Variants in DAB1 observed in about 807,000 individuals in gnomAD.
DAB1 encodes DAB adaptor protein 1, also known as disabled homolog 1.
A neutral mutation model predicts 64.6 loss-of-function variants in DAB1; 15 were observed. That is an observed-to-expected ratio of 0.23 (90% CI 0.16 to 0.36). DAB1 has a LOEUF of 0.36. Ranked by LOEUF, DAB1 falls within the 10% of genes least tolerant of loss-of-function variation. The probability of loss-of-function intolerance (pLI) is 1.00; values close to 1 mark genes in which losing one functional copy is unlikely to be tolerated. For synonymous variants in DAB1, 235 were observed against 251.9 expected (o/e 0.93, Z 0.64); for missense variants, 596 against 706.7 (o/e 0.84, Z 1.78).
intron 4 of DAB1, among the ~76,000 whole-genome samples, chr1:58,276,777 GTGC>G (rs1240864498): frequency 6.6e-6 from 1 of 152,048 alleles, no homozygotes; most frequent in Non-Finnish European, 1.5e-5. Flanking sequence ...CATTTTTTCT[GTGC>G]TGCTTTCTTT....
intron 7 of DAB1, among the ~76,000 whole-genome samples, chr1:57,596,081 T>A (rs1461747996): frequency 1.3e-5 from 2 of 152,230 alleles, no homozygotes; most frequent in Non-Finnish European, 2.9e-5. Context: ...TCACTGTCCT[T>A]TAACAGGTTC....
intron 5 of DAB1, among the ~76,000 whole-genome samples, chr1:57,987,869 T>C (rs1206701581): frequency 6.6e-6 from 1 of 151,306 alleles, no homozygotes; most frequent in East Asian, 1.9e-4. Context: ...AGGAAAACAC[T>C]GGTCGGTTAC....
intron 6 of DAB1, among the ~76,000 whole-genome samples, chr1:57,757,143 T>C (rs553370777): frequency 8.6e-5 from 13 of 150,770 alleles, no homozygotes; most frequent in Non-Finnish European, 1.5e-4. Context: ...AGCCTGAGAT[T>C]CTGCATTTCT....
intron 3 of DAB1, among the ~76,000 whole-genome samples, chr1:58,378,211 C>T (rs1171986141): frequency 4.2e-5 from 5 of 120,120 alleles, no homozygotes; most frequent in African/African-American, 1.3e-4. Flanking sequence ...AGCTTTGTTC[C>T]GTTGCTGGTG....
intron 4 of DAB1, among the ~76,000 whole-genome samples, chr1:57,124,679 T>C (rs1184442274): frequency 2.6e-5 from 4 of 152,168 alleles, no homozygotes; most frequent in Admixed American, 2.6e-4. Flanking sequence ...TAAATAGTTT[T>C]TAGAAGTCAA....
intron 4 of DAB1, among the ~76,000 whole-genome samples, chr1:57,109,442 C>A (rs1466281177): frequency 6.6e-6 from 1 of 152,178 alleles, no homozygotes; most frequent in Non-Finnish European, 1.5e-5. Flanking sequence ...ACAAACATGG[C>A]TCTCTTCCAG....
At chr1:57,973,317 T>C (rs1158268486) in intron 5 of DAB1, among the ~76,000 whole-genome samples, 1 of 152,142 alleles carries the variant, frequency 6.6e-6, no homozygotes, top group Non-Finnish European at 1.5e-5. Flanking sequence ...TCAGAGGCAA[T>C]GCAGGCCTGC....
At chr1:57,692,717 T>C (rs1209375440) in intron 6 of DAB1, among the ~76,000 whole-genome samples, 2 of 152,174 alleles carry the variant, frequency 1.3e-5, no homozygotes, top group Non-Finnish European at 2.9e-5. Flanking sequence ...ATCCTTACTC[T>C]ACAATCCCAA....
intron 6 of DAB1, among the ~76,000 whole-genome samples, chr1:57,702,400 T>C (rs1389719064): frequency 6.6e-6 from 1 of 152,174 alleles, no homozygotes; most frequent in East Asian, 1.9e-4. Flanking sequence ...AAGTATCATT[T>C]TATATTTTAA....
At chr1:57,027,951 C>T (rs991911638) in intron 9 of DAB1, among the ~76,000 whole-genome samples, 3 of 152,232 alleles carry the variant, frequency 2.0e-5, no homozygotes, top group African/African-American at 7.2e-5. Flanking sequence ...GAAATGCCAA[C>T]TCTCAGCCTG....
chr1:57,289,757 T>C (rs1406670063), intron 2 of DAB1, among the ~76,000 whole-genome samples: 3 of 152,132 alleles, frequency 2.0e-5, no homozygotes, highest in Non-Finnish European at 2.9e-5. Flanking sequence ...AAGCCCACAT[T>C]GACAGATTTC....
intron 6 of DAB1, among the ~76,000 whole-genome samples, chr1:57,739,201 C>A (rs558114912): frequency 4.0e-4 from 61 of 152,280 alleles, no homozygotes; most frequent in African/African-American, 1.4e-3. Context: ...GGTCCTAAAT[C>A]TCTGTGGGCT....
At chr1:58,243,616 C>T (rs1031732584) in intron 4 of DAB1, among the ~76,000 whole-genome samples, 1 of 152,090 alleles carries the variant, frequency 6.6e-6, no homozygotes, top group African/African-American at 2.4e-5. Context: ...CACCTCCTTG[C>T]CCAAACCAGC....
intron 7 of DAB1, among the ~76,000 whole-genome samples, chr1:57,434,670 C>T (rs1430674747): frequency 1.3e-5 from 2 of 152,144 alleles, no homozygotes; most frequent in African/African-American, 2.4e-5. Context: ...TACACAAACC[C>T]AGATGGTATA....
At position 57,413,722 on chromosome 1, in the gene DAB1, C is replaced by T. The variant is rs189239673; in HGVS notation, c.-137+10208G>A. ...TCGCGCCACTGCACTCCAGCCCAGGCGACACAGCAAGACTCTGTCTCAAAA... is the reference window on the plus strand; with the variant it reads ...TCGCGCCACTGCACTCCAGCCCAGGTGACACAGCAAGACTCTGTCTCAAAA... On this transcript the variant is annotated intron_variant, in intron 1 of 14. Coordinates refer to ENST00000371236, the MANE Select transcript of DAB1 (RefSeq NM_001365792.1). 6.7e-3 allele frequency among the ~76,000 whole-genome samples: 856 copies of T among 128,050 alleles called. 3 individuals carry two copies. The highest frequency in any genetic ancestry group is 0.017 in the Middle Eastern group (3 of 178). The allele number at this position is 128,050 out of a possible 152,430, so 84.0% of individuals were successfully genotyped here.
intron 6 of DAB1, among the ~76,000 whole-genome samples, chr1:57,719,052 A>C (rs1647119034): frequency 6.6e-6 from 1 of 152,190 alleles, no homozygotes; most frequent in Non-Finnish European, 1.5e-5. Context: ...AAAAATATAA[A>C]TATAATCTTT....
chr1:57,976,489 C>T (rs1276325735), intron 5 of DAB1, among the ~76,000 whole-genome samples: 1 of 152,152 alleles, frequency 6.6e-6, no homozygotes, highest in Non-Finnish European at 1.5e-5. Flanking sequence ...CCAAGTCCAC[C>T]AGTGAAATAT....
chr1:58,377,275 C>T (rs1182621423), intron 3 of DAB1, among the ~76,000 whole-genome samples: 15 of 146,276 alleles, frequency 1.0e-4, no homozygotes, highest in East Asian at 4.1e-4. Flanking sequence ...TTCCTAGTCT[C>T]GATGGTCTTT....
At chr1:58,063,327 T>C (rs139955269) in intron 5 of DAB1, among the ~76,000 whole-genome samples, 138 of 152,284 alleles carry the variant, frequency 9.1e-4, no homozygotes, top group African/African-American at 3.0e-3. Flanking sequence ...ATGACACCTT[T>C]ACAACAGCTG....
Sources: allele counts gnomAD v4.1 joint callset (sites outside exome capture counted in the v4.1 genomes callset), GRCh38; gene constraint gnomAD v4.1.1; transcripts MANE v1.5; gene names NCBI Gene and HGNC (gene_info 2026-07-23, HGNC 2026-07-21).